The following SF3B1 variants were observed in gnomAD, a reference collection of about 807,000 sequenced individuals.
SF3B1 encodes pre-mRNA processing 10.
In SF3B1, 12 loss-of-function variants were observed where a neutral mutation model predicts 153.8. The observed-to-expected ratio is 0.08, with a 90% CI of 0.05 to 0.13. SF3B1 has a LOEUF of 0.13. SF3B1 is among the 10% of genes least tolerant of loss of function. SF3B1 has a pLI of 1.00. For missense variants in SF3B1, 513 were observed against 1,606.1 expected (o/e 0.32, Z 11.63); for synonymous variants, 498 against 525.2 (o/e 0.95, Z 0.71).
chr2:197,434,901 G>C, intron 1 of SF3B1, 71 bp downstream of exon 1: 1 of 1,510,874 alleles, frequency 6.6e-7, no homozygotes, highest in Non-Finnish European at 9.2e-7. Flanking sequence ...GAAAAAGGCA[G>C]AATCCTAGGA....
At chr2:197,425,410 A>T (rs1056880432) in intron 1 of SF3B1, among the ~76,000 whole-genome samples, 5 of 152,150 alleles carry the variant, frequency 3.3e-5, no homozygotes, top group Admixed American at 2.0e-4. Context: ...AGGTTGCAGT[A>T]AGTCGAGATC....
chr2:197,402,119 C>A lies in SF3B1; in HGVS notation c.2089G>T (p.Glu697Ter). The change falls in exon 15 of 25, where the codon GAG (glutamate) becomes TAG (stop). Residue 697 changes from glutamate to a stop codon, truncating the protein, a stop_gained. Coordinates refer to ENST00000335508, the MANE Select transcript of SF3B1 (RefSeq NM_012433.4). LOFTEE classifies it high-confidence loss of function. This position sits in a 1 kb window ranked among gnomAD's most constrained non-coding sequence, Gnocchi z 4.6. ...CTGATGGTCCGAACTTTCTGCTGCTCATCCACAAGACCTACAAAACCAAAC... is the reference window on the plus strand; with the variant it reads ...CTGATGGTCCGAACTTTCTGCTGCTAATCCACAAGACCTACAAAACCAAAC... The part of the protein sequence containing the change: ...VEIIEHGLVD[E>*]QQKVRTISAL... 6.2e-7 allele frequency: 1 copy of A among 1,603,086 alleles called. No homozygotes were observed. Among genetic ancestry groups the A allele is most frequent in the South Asian group, 1.1e-5 (1 of 90,144 alleles).
chr2:197,391,740 A>C lies in SF3B1; in HGVS notation c.*563T>G, dbSNP rs1366707061. On this transcript the variant is annotated 3_prime_UTR_variant, in exon 25 of 25. Coordinates refer to ENST00000335508, the MANE Select transcript of SF3B1 (RefSeq NM_012433.4). Reference sequence around the variant, plus strand: ...AAGTGCTACTTTTCTACGATGATGGAATGGTTGTGCTAGTTTGAGGGGAAC... The same window carrying C: ...AAGTGCTACTTTTCTACGATGATGGCATGGTTGTGCTAGTTTGAGGGGAAC... 6.5e-6 allele frequency: 1 copy of C among 153,058 alleles called. No individual in the cohort carries two copies. The allele number at this position is 153,058 out of a possible 1,614,324, so 9.5% of individuals were successfully genotyped here. A position where few individuals can be genotyped will look rare whatever the true frequency, so the allele number is the denominator to read the frequency against.
intron 7 of SF3B1, among the ~76,000 whole-genome samples, chr2:197,409,242 A>C (rs1207393657): frequency 6.6e-6 from 1 of 152,146 alleles, no homozygotes; most frequent in Non-Finnish European, 1.5e-5. Flanking sequence ...TCTACTAAAA[A>C]TACAAAATTA....
In SF3B1 at chr2:197,403,773, A is replaced by G; in HGVS notation, c.1540-9T>C. 1 of 1,570,974 alleles carries G rather than the reference A, an allele frequency of 6.4e-7. No homozygotes were observed. The highest frequency in any genetic ancestry group is 8.6e-7 in the Non-Finnish European group (1 of 1,165,736). ...ATCTGACGCAATGCAGCCTGGGAAAAAGAGCAGAGTAATAGGTGTGGTTTC... is the reference window on the plus strand; with the variant it reads ...ATCTGACGCAATGCAGCCTGGGAAAGAGAGCAGAGTAATAGGTGTGGTTTC... On this transcript the variant is annotated splice_polypyrimidine_tract_variant and intron_variant, in intron 11 of 24. Transcript: ENST00000335508.
intron 6 of SF3B1, among the ~76,000 whole-genome samples, chr2:197,410,641 G>T (rs2085054748): frequency 6.6e-6 from 1 of 151,750 alleles, no homozygotes; most frequent in Admixed American, 6.6e-5. Flanking sequence ...GAGTAGCTGG[G>T]GTTACAGGTG....
intron 1 of SF3B1, 22 bp from the exon 2 acceptor site, chr2:197,423,996 T>A (rs917316077): frequency 1.9e-6 from 3 of 1,585,880 alleles, no homozygotes; most frequent in Non-Finnish European, 2.6e-6. Context: ...TAACACAGAC[T>A]TTCTTAATTT....
chr2:197,396,355 C>A (rs2084874026), intron 22 of SF3B1, 27 bp from the exon 23 acceptor site: 1 of 1,576,630 alleles, frequency 6.3e-7, no homozygotes. Flanking sequence ...GGTCAACAAG[C>A]TGTTACATTA....
At chr2:197,409,077 G>C (rs1319306991) in intron 7 of SF3B1, among the ~76,000 whole-genome samples, 1 of 152,148 alleles carries the variant, frequency 6.6e-6, no homozygotes, top group Non-Finnish European at 1.5e-5. Context: ...GGGCAATGAA[G>C]CAAGACATTG....
At chr2:197,432,614 A>T (rs1229452074) in intron 1 of SF3B1, among the ~76,000 whole-genome samples, 1 of 152,220 alleles carries the variant, frequency 6.6e-6, no homozygotes, top group Non-Finnish European at 1.5e-5. Context: ...TCATGCCAGT[A>T]ATCCCAGCAC....
chr2:197,435,057 C>T (rs2085502912), upstream of SF3B1: 1 of 1,613,644 alleles, frequency 6.2e-7, no homozygotes, highest in Non-Finnish European at 8.5e-7. Context: ...CGCTCGTCGC[C>T]GCCGCCACGG....
chr2:197,419,224 A>C lies in SF3B1; in HGVS notation c.416-636T>G, dbSNP rs543848877. 6 of 420,586 alleles carry C rather than the reference A, an allele frequency of 1.4e-5. No homozygotes were observed. The South Asian group carries it at 2.3e-4, about 16-fold the overall frequency. The allele number at this position is 420,586 out of a possible 1,614,324, so 26.1% of individuals were successfully genotyped here. On this transcript the variant is annotated intron_variant, in intron 4 of 24. Transcript: ENST00000335508. ...TTTATTTCTTAGAAAGCATAAATTA[A>C]AACTGGAAACATATTACTTTAAATA... is the stretch of plus-strand genomic sequence containing the variant.
intron 6 of SF3B1, among the ~76,000 whole-genome samples, chr2:197,415,698 A>G (rs1287929007): frequency 6.6e-6 from 1 of 152,254 alleles, no homozygotes; most frequent in Non-Finnish European, 1.5e-5. Context: ...TGCAGCACTT[A>G]TATCTTTTAG....
chr2:197,403,115 T>C, intron 12 of SF3B1, 80 bp from the exon 13 acceptor site: 2 of 1,012,136 alleles, frequency 2.0e-6, no homozygotes, highest in South Asian at 2.9e-5. Context: ...TAAACATACA[T>C]AAGAAATTTA....
chr2:197,405,676 G>A (rs2084982333), intron 9 of SF3B1, among the ~76,000 whole-genome samples: 1 of 151,974 alleles, frequency 6.6e-6, no homozygotes, highest in African/African-American at 2.4e-5. Context: ...CGTGGTGTAG[G>A]GAACTGAGGA....
rs763221500 is a variant in SF3B1, at chr2:197,416,914, GA to G, written c.496-4del. On this transcript the variant is annotated splice_polypyrimidine_tract_variant and splice_region_variant and intron_variant, in intron 5 of 24. Transcript: ENST00000335508. ...GCTAGCTGTTGCCTAATTTCTCGCT[GA>G]AAAAAACAGTGAGTATTTACCTTTA... The G allele has an allele frequency of 2.5e-6, 4 of 1,606,160 alleles. No individual in the cohort carries two copies. The highest frequency in any genetic ancestry group is 8.5e-7 in the Non-Finnish European group (1 of 1,176,994).
In SF3B1 at chr2:197,400,481, T is replaced by C. The variant is rs778603551; in HGVS notation, c.2719-47A>G. 7 of 1,490,422 alleles carry C rather than the reference T, an allele frequency of 4.7e-6. No individual in the cohort carries two copies. The highest frequency in any genetic ancestry group is 6.4e-6 in the Non-Finnish European group (7 of 1,097,142). 92.3% of individuals were successfully genotyped at this position (1,490,422 alleles called of 1,614,324 possible). A position where few individuals can be genotyped will look rare whatever the true frequency, so the allele number is the denominator to read the frequency against. On this transcript the variant is annotated intron_variant, in intron 18 of 24. Coordinates refer to ENST00000335508, the MANE Select transcript of SF3B1 (RefSeq NM_012433.4). The surrounding 1 kb of genome is among the most constrained non-coding windows in gnomAD (Gnocchi z 5.0). ...AAGACATATTCATTTGGTTTATGACTGCACAGTTGAAATACACTAAGAGTC... is the reference window on the plus strand; with the variant it reads ...AAGACATATTCATTTGGTTTATGACCGCACAGTTGAAATACACTAAGAGTC...
intron 6 of SF3B1, among the ~76,000 whole-genome samples, chr2:197,411,355 T>C (rs1442184959): frequency 6.6e-6 from 1 of 152,172 alleles, no homozygotes; most frequent in Non-Finnish European, 1.5e-5. Context: ...GGATGTGTAA[T>C]GTACTTTATA....
intron 5 of SF3B1, among the ~76,000 whole-genome samples, chr2:197,418,073 TA>T (rs2085179443): frequency 6.6e-6 from 1 of 150,638 alleles, no homozygotes; most frequent in East Asian, 2.0e-4. Flanking sequence ...CCATCTCTAC[TA>T]AAAATACAAA....
Sources: allele counts gnomAD v4.1 joint callset (sites outside exome capture counted in the v4.1 genomes callset), GRCh38; gene constraint gnomAD v4.1.1; non-coding constraint Gnocchi (gnomAD v3.1); transcripts MANE v1.5; gene names NCBI Gene and HGNC (gene_info 2026-07-23, HGNC 2026-07-21).